DDX6: variants seen among roughly 807,000 people sequenced by gnomAD.
The protein encoded by DDX6 is DEAD-box helicase 6, also known as probable ATP-dependent RNA helicase DDX6.
A neutral mutation model predicts 60.6 loss-of-function variants in DDX6; 7 were observed. The ratio of observed to expected loss-of-function variants is 0.12; its 90% CI spans 0.07 to 0.22. The LOEUF (loss-of-function observed/expected upper bound fraction) is 0.22. Among genes scored for constraint, DDX6 ranks in the 10% least tolerant of loss-of-function variants. DDX6 has a pLI of 1.00. For synonymous variants in DDX6, 207 were observed against 201.0 expected (o/e 1.03, Z -0.25); for missense variants, 270 against 589.9 (o/e 0.46, Z 5.62).
chr11:118,770,822 C>T (rs1555162379), intron 4 of DDX6, among the ~76,000 whole-genome samples: 2 of 149,150 alleles, frequency 1.3e-5, no homozygotes, highest in East Asian at 3.9e-4. Context: ...GAGGAGGTTG[C>T]AGTGGGCCAA....
At chr11:118,769,736 G>A (rs1480311110) in intron 4 of DDX6, among the ~76,000 whole-genome samples, 1 of 151,806 alleles carries the variant, frequency 6.6e-6, no homozygotes, top group East Asian at 1.9e-4. Flanking sequence ...ACAGAGTCTC[G>A]CTCTGTCGCC....
chr11:118,763,226 T>C lies in DDX6; in HGVS notation c.727A>G (p.Ile243Val). Residue 243 changes from isoleucine (I) to valine (V), a missense_variant, in exon 7 of 14, where the codon ATA becomes GTA. Ile to Val is a conservative substitution (Grantham distance 29, BLOSUM62 3). Coordinates refer to ENST00000534980, the MANE Select transcript of DDX6 (RefSeq NM_004397.6). ...AGAGACATTACCTCATCCAATACTA[T>C]CATCTGGACATGATCAACCTTTGCT... ...GVAKVDHVQM[I>V]VLDEADKLLS... 1.2e-6 allele frequency: 2 copies of C among 1,604,838 alleles called. No homozygotes were observed. Among genetic ancestry groups the C allele is most frequent in the Non-Finnish European group, 1.7e-6 (2 of 1,176,086 alleles).
At chr11:118,782,410 TAAAA>T (rs782394238) in intron 2 of DDX6, among the ~76,000 whole-genome samples, 3 of 139,582 alleles carry the variant, frequency 2.1e-5, no homozygotes, top group African/African-American at 7.9e-5. Context: ...AAAGCATCTT[TAAAA>T]AAAAAAAAAA....
intron 10 of DDX6, 33 bp from the exon 11 acceptor site, chr11:118,756,356 C>G: frequency 6.6e-7 from 1 of 1,519,102 alleles, no homozygotes; most frequent in South Asian, 1.1e-5. Context: ...ATTTGATTAA[C>G]ACTCATATAC....
rs1860701644 is a variant in DDX6, at chr11:118,750,037, C to G, written c.*2068G>C. On this transcript the variant is annotated 3_prime_UTR_variant, in exon 14 of 14. Coordinates refer to ENST00000534980, the MANE Select transcript of DDX6 (RefSeq NM_004397.6). The stretch of plus-strand genomic sequence containing the variant: ...GTGGGTGAGTCGCAAATAGTTTGCT[C>G]AGAAGTAGGCAGAGTCAAAAAAGCA... 1 of 152,484 alleles carries G rather than the reference C, an allele frequency of 6.6e-6. No individual in the cohort carries two copies. Among genetic ancestry groups the G allele is most frequent in the Non-Finnish European group, 1.5e-5 (1 of 68,026 alleles). 9.4% of individuals were successfully genotyped at this position (152,484 alleles called of 1,614,324 possible). A position where few individuals can be genotyped will look rare whatever the true frequency, so the allele number is the denominator to read the frequency against.
intron 9 of DDX6, 72 bp downstream of exon 9, chr11:118,758,702 G>A (rs1241402619): frequency 1.3e-6 from 2 of 1,566,278 alleles, no homozygotes; most frequent in Non-Finnish European, 1.7e-6. Context: ...AAGACGGTGG[G>A]AAAATTGATG....
upstream of DDX6, chr11:118,791,722 C>T (rs1445602609): frequency 6.6e-6 from 1 of 152,044 alleles, no homozygotes; most frequent in Non-Finnish European, 1.5e-5. Context: ...AACTAGCGAC[C>T]CGGAGACGCC....
intron 12 of DDX6, 122 bp from the exon 13 acceptor site, chr11:118,755,009 T>G (rs1457204241): frequency 1.1e-6 from 1 of 906,766 alleles, no homozygotes; most frequent in African/African-American, 1.7e-5. Flanking sequence ...ATTCTTAGTA[T>G]GCAAAACAAC....
chr11:118,754,639 C>T, intron 13 of DDX6, 66 bp downstream of exon 13: 2 of 1,443,162 alleles, frequency 1.4e-6, no homozygotes, highest in Non-Finnish European at 1.9e-6. Context: ...CAAATTTCCC[C>T]CAGGAAAGAA....
chr11:118,761,951 A>G (rs1388549645), intron 7 of DDX6, among the ~76,000 whole-genome samples: 1 of 151,912 alleles, frequency 6.6e-6, no homozygotes, highest in Non-Finnish European at 1.5e-5. Flanking sequence ...TAAAGATAAA[A>G]GTCTGATTTG....
chr11:118,770,554 T>A (rs1292765640), intron 4 of DDX6, among the ~76,000 whole-genome samples: 7 of 152,208 alleles, frequency 4.6e-5, no homozygotes, highest in Admixed American at 3.3e-4. Context: ...ATAAATGGGT[T>A]CCATATGGTC....
In DDX6 at chr11:118,748,318, C is replaced by CTCTT. The variant is rs1263211773; in HGVS notation, c.*3783_*3786dup. On this transcript the variant is annotated 3_prime_UTR_variant, in exon 14 of 14. Transcript: ENST00000534980. ...ACTGTGACAACCTTTGGACACTTAACTCTTTACCCCAAAGATGAGTTTTTA... is the reference window on the plus strand; with the variant it reads ...ACTGTGACAACCTTTGGACACTTAACTCTTTCTTTACCCCAAAGATGAGTTTTTA... 1 of 152,164 alleles carries CTCTT rather than the reference C, an allele frequency of 6.6e-6. No individual in the cohort carries two copies. The highest frequency in any genetic ancestry group is 1.5e-5 in the Non-Finnish European group (1 of 68,030). 9.4% of individuals were successfully genotyped at this position (152,164 alleles called of 1,614,324 possible).
intron 7 of DDX6, 87 bp downstream of exon 7, chr11:118,763,125 C>A (rs550738258): frequency 1.2e-6 from 1 of 836,020 alleles, no homozygotes. Context: ...ATCATAAACA[C>A]AAGCAGCTTT....
chr11:118,759,859 C>A, intron 8 of DDX6, 63 bp downstream of exon 8: 3 of 1,527,390 alleles, frequency 2.0e-6, no homozygotes, highest in Admixed American at 2.1e-5. Flanking sequence ...GATGTAATTA[C>A]AAATAAAAGC....
rs782137339 is a variant in DDX6 at position 118,750,033 on chromosome 11, T to C, written c.*2072A>G. 1.4e-4 allele frequency: 21 copies of C among 152,760 alleles called. No homozygotes were observed. The highest frequency in any genetic ancestry group is 3.4e-3 in the Middle Eastern group (1 of 294). The allele number at this position is 152,760 out of a possible 1,614,324, so 9.5% of individuals were successfully genotyped here. A position where few individuals can be genotyped will look rare whatever the true frequency, so the allele number is the denominator to read the frequency against. ...AATTGTGGGTGAGTCGCAAATAGTT[T>C]GCTCAGAAGTAGGCAGAGTCAAAAA... On this transcript the variant is annotated 3_prime_UTR_variant, in exon 14 of 14. Transcript: ENST00000534980.
chr11:118,776,848 AAG>A (rs1173987889), intron 4 of DDX6, among the ~76,000 whole-genome samples: 1 of 151,862 alleles, frequency 6.6e-6, no homozygotes, highest in African/African-American at 2.4e-5. Flanking sequence ...AAAAAAAAGA[AAG>A]AAAAAAAAAG....
chr11:118,749,348 A>G lies in DDX6; in HGVS notation c.*2757T>C, dbSNP rs183602768. 3.0e-5 allele frequency: 4 copies of G among 131,408 alleles called. 1 individual carries two copies. The highest frequency in any genetic ancestry group is 6.0e-4 in the East Asian group (2 of 3,340). 8.1% of individuals were successfully genotyped at this position (131,408 alleles called of 1,614,324 possible). The stretch of plus-strand genomic sequence containing the variant: ...GTAACAATGCTTATTATGAGGGCCC[A>G]AAAAAGAAAGAAAAAAAAAAAAAAA... On this transcript the variant is annotated 3_prime_UTR_variant, in exon 14 of 14. Coordinates refer to ENST00000534980, the MANE Select transcript of DDX6 (RefSeq NM_004397.6).
intron 1 of DDX6, chr11:118,789,811 A>G (rs1293566984): frequency 2.6e-5 from 4 of 152,224 alleles, no homozygotes; most frequent in Non-Finnish European, 4.4e-5. Flanking sequence ...AGACTATGTG[A>G]TAACTGCTCC....
chr11:118,757,069 G>C (rs10892282), intron 10 of DDX6, 102 bp downstream of exon 10: 147,215 of 612,100 alleles, frequency 0.24, 18,252 homozygotes, highest in South Asian at 0.32. Context: ...GGCTACTAAG[G>C]AACAGTTTAT....
Sources: gnomAD v4.1 joint callset for allele counts (sites outside exome capture counted in the v4.1 genomes callset) on GRCh38, gnomAD v4.1.1 for gene constraint, MANE v1.5 for transcripts, NCBI Gene and HGNC (gene_info 2026-07-23, HGNC 2026-07-21) for gene names.